IGF2BP3: variants seen among roughly 807,000 people sequenced by gnomAD.
IGF2BP3 encodes the protein insulin-like growth factor 2 mRNA-binding protein 3.
A neutral mutation model predicts 73.8 loss-of-function variants in IGF2BP3; 9 were observed. The ratio of observed to expected loss-of-function variants is 0.12; its 90% CI spans 0.07 to 0.21. The LOEUF is 0.21. IGF2BP3 is among the 10% of genes least tolerant of loss of function. The probability of loss-of-function intolerance (pLI) is 1.00; values close to 1 mark genes in which losing one functional copy is unlikely to be tolerated. For missense variants in IGF2BP3, 542 were observed against 714.0 expected (o/e 0.76, Z 2.75); for synonymous variants, 258 against 256.7 (o/e 1.01, Z -0.05).
intron 3 of IGF2BP3, among the ~76,000 whole-genome samples, chr7:23,388,964 T>C (rs1194165399): frequency 2.6e-5 from 4 of 152,174 alleles, no homozygotes; most frequent in Admixed American, 6.5e-5. Context: ...TGAAAGGGAA[T>C]AGGCTCTTGA....
At chr7:23,466,628 A>C (rs1438177163) in intron 2 of IGF2BP3, among the ~76,000 whole-genome samples, 2 of 152,248 alleles carry the variant, frequency 1.3e-5, no homozygotes, top group Non-Finnish European at 2.9e-5. Flanking sequence ...TGTTTATTAT[A>C]AAGTAACAAG....
chr7:23,389,093 T>A (rs1313072071), intron 3 of IGF2BP3, among the ~76,000 whole-genome samples: 1 of 152,108 alleles, frequency 6.6e-6, no homozygotes, highest in African/African-American at 2.4e-5. Flanking sequence ...AGCTGTTTTT[T>A]AAAAAGACCT....
At chr7:23,465,899 C>T (rs1016648059) in intron 2 of IGF2BP3, among the ~76,000 whole-genome samples, 3 of 152,298 alleles carry the variant, frequency 2.0e-5, no homozygotes, top group Admixed American at 1.3e-4. Context: ...CACCCTGATG[C>T]CTTCTCTGCC....
At chr7:23,343,993 T>C (rs1014484277) in intron 8 of IGF2BP3, 140 bp from the exon 9 acceptor site, 3 of 741,748 alleles carry the variant, frequency 4.0e-6, no homozygotes, top group Non-Finnish European at 6.5e-6. Context: ...TGATGGGAAA[T>C]GAGTAAGCCC....
chr7:23,318,838 T>C (rs993763224), intron 11 of IGF2BP3, among the ~76,000 whole-genome samples: 1 of 152,134 alleles, frequency 6.6e-6, no homozygotes, highest in Non-Finnish European at 1.5e-5. Context: ...ATGGTGTCAA[T>C]CTGGAACCAA....
chr7:23,316,763 C>G (rs573720896), intron 12 of IGF2BP3, among the ~76,000 whole-genome samples: 1 of 149,672 alleles, frequency 6.7e-6, no homozygotes, highest in South Asian at 2.1e-4. Context: ...TGTTCTAAGA[C>G]AAGACACCCA....
chr7:23,333,870 G>A (rs1402624463), intron 10 of IGF2BP3, among the ~76,000 whole-genome samples: 3 of 152,186 alleles, frequency 2.0e-5, no homozygotes, highest in Admixed American at 6.5e-5. Flanking sequence ...TCTGAACGTC[G>A]TCCAATTCCC....
Position 23,330,932 on chromosome 7 carries a change from G to A in IGF2BP3, c.1203+11132C>T, listed in dbSNP as rs1257738095. Reference sequence around the variant, plus strand: ...CCTGCCTCAGCCTCCCGAATAGCTGGAATTACAGGTGCACACCACCATGCC... The same window carrying A: ...CCTGCCTCAGCCTCCCGAATAGCTGAAATTACAGGTGCACACCACCATGCC... On this transcript the variant is annotated intron_variant, in intron 10 of 14. Transcript: ENST00000258729. 3.3e-5 allele frequency among the ~76,000 whole-genome samples: 5 copies of A among 152,120 alleles called. No individual in the cohort carries two copies. In the South Asian group the frequency reaches 1.0e-3, roughly 32 times the overall value.
chr7:23,407,793 C>T (rs914944882), intron 3 of IGF2BP3, among the ~76,000 whole-genome samples: 1 of 151,936 alleles, frequency 6.6e-6, no homozygotes, highest in Non-Finnish European at 1.5e-5. Flanking sequence ...ATACAAAAAA[C>T]ATCAAACTAC....
chr7:23,313,927 C>T (rs997568105), intron 12 of IGF2BP3, among the ~76,000 whole-genome samples: 1 of 152,162 alleles, frequency 6.6e-6, no homozygotes, highest in African/African-American at 2.4e-5. Context: ...AATTAATAAC[C>T]TAATAAAAAC....
At chr7:23,452,822 G>A (rs528361212) in intron 2 of IGF2BP3, among the ~76,000 whole-genome samples, 1 of 149,488 alleles carries the variant, frequency 6.7e-6, no homozygotes, top group African/African-American at 2.5e-5. Flanking sequence ...AAAAAGTGGG[G>A]GGCGCACAGG....
intron 3 of IGF2BP3, among the ~76,000 whole-genome samples, chr7:23,410,651 G>C (rs963007606): frequency 1.3e-5 from 2 of 152,114 alleles, no homozygotes; most frequent in Admixed American, 6.5e-5. Flanking sequence ...TTTAAACAGA[G>C]AACTTTACTA....
At chr7:23,332,220 T>C (rs972359526) in intron 10 of IGF2BP3, among the ~76,000 whole-genome samples, 7 of 152,228 alleles carry the variant, frequency 4.6e-5, no homozygotes, top group African/African-American at 1.7e-4. Flanking sequence ...TCTTCCTTTA[T>C]ATCTTCAATC....
At chr7:23,401,829 G>A (rs910990363) in intron 3 of IGF2BP3, among the ~76,000 whole-genome samples, 4 of 152,034 alleles carry the variant, frequency 2.6e-5, no homozygotes, top group African/African-American at 9.7e-5. Flanking sequence ...GCCGGGCACG[G>A]TGGCTGAAAC....
intron 5 of IGF2BP3, among the ~76,000 whole-genome samples, chr7:23,355,743 G>A (rs1020461127): frequency 6.6e-6 from 1 of 152,046 alleles, no homozygotes; most frequent in Non-Finnish European, 1.5e-5. Context: ...GACCAGCTTG[G>A]ACAATATGAC....
At chr7:23,417,609 A>C (rs574962434) in intron 3 of IGF2BP3, among the ~76,000 whole-genome samples, 1 of 152,152 alleles carries the variant, frequency 6.6e-6, no homozygotes, top group Non-Finnish European at 1.5e-5. Flanking sequence ...GCTACATCAT[A>C]CCAGATGTAG....
intron 2 of IGF2BP3, among the ~76,000 whole-genome samples, chr7:23,466,936 A>G (rs1290001953): frequency 6.6e-6 from 1 of 152,270 alleles, no homozygotes; most frequent in Non-Finnish European, 1.5e-5. Flanking sequence ...AAATTAAGAC[A>G]TACTGACCAA....
intron 2 of IGF2BP3, among the ~76,000 whole-genome samples, chr7:23,435,016 C>T (rs2128543102): frequency 6.6e-6 from 1 of 152,094 alleles, no homozygotes; most frequent in Middle Eastern, 3.4e-3. Flanking sequence ...TGAAAATGGG[C>T]CAGGCGTGGT....
At chr7:23,443,070 C>T (rs996779906) in intron 2 of IGF2BP3, among the ~76,000 whole-genome samples, 2 of 144,850 alleles carry the variant, frequency 1.4e-5, no homozygotes, top group East Asian at 4.3e-4. Flanking sequence ...TAAACCGTAT[C>T]AATCAGATCT....
Sources: allele counts gnomAD v4.1 joint callset (sites outside exome capture counted in the v4.1 genomes callset), GRCh38; gene constraint gnomAD v4.1.1; transcripts MANE v1.5; gene names NCBI Gene and HGNC (gene_info 2026-07-23, HGNC 2026-07-21).